FAM228B: variants seen among roughly 807,000 people sequenced by gnomAD.
FAM228B encodes the protein protein FAM228B.
In FAM228B, 38 loss-of-function variants were observed where a neutral mutation model predicts 42.6. That is an observed-to-expected ratio of 0.89 (90% CI 0.69 to 1.17). FAM228B has a LOEUF of 1.17. FAM228B is among the 50% of genes most tolerant of loss of function. The pLI is 0.00. For missense variants in FAM228B, 344 were observed against 367.3 expected, an observed-to-expected ratio of 0.94 and a Z score of 0.52; for synonymous variants, 109 against 122.3, an observed-to-expected ratio of 0.89 and a Z score of 0.72.
upstream of FAM228B, chr2:24,121,071 A>C: frequency 6.7e-7 from 1 of 1,486,992 alleles, no homozygotes; most frequent in Admixed American, 1.9e-5. Context: ...AATGGATTTA[A>C]TCTGTTTTAC....
intron 3 of FAM228B, among the ~76,000 whole-genome samples, chr2:24,104,563 G>A (rs1377499862): frequency 6.6e-6 from 1 of 152,154 alleles, no homozygotes; most frequent in Non-Finnish European, 1.5e-5. Context: ...ACACCTGCTA[G>A]AGCTTCCAGC....
At chr2:24,100,942 G>T (rs998467187) in intron 3 of FAM228B, among the ~76,000 whole-genome samples, 1 of 152,192 alleles carries the variant, frequency 6.6e-6, no homozygotes, top group African/African-American at 2.4e-5. Context: ...CATAAAAAAG[G>T]ATGAGTTCAT....
intron 3 of FAM228B, among the ~76,000 whole-genome samples, chr2:24,099,689 C>G (rs954606494): frequency 2.0e-5 from 3 of 152,168 alleles, no homozygotes; most frequent in African/African-American, 7.2e-5. Flanking sequence ...AATGGCCACA[C>G]TGCCCAAAGT....
At chr2:24,156,771 TCCGCCC>T (rs66924416) in intron 7 of FAM228B, among the ~76,000 whole-genome samples, 83,077 of 132,660 alleles carry the variant, frequency 0.63, 26,871 homozygotes, top group East Asian at 0.76. Context: ...TACATTTCTT[TCCGCCC>T]CCCCCCCCCC....
chr2:24,114,041 G>A (rs1394739960), intron 3 of FAM228B, among the ~76,000 whole-genome samples: 1 of 152,228 alleles, frequency 6.6e-6, no homozygotes, highest in Non-Finnish European at 1.5e-5. Flanking sequence ...GATGTTGGAA[G>A]TAAGTTCTGT....
intron 3 of FAM228B, chr2:24,097,451 C>CAAAAAAAAAAAAAAAAAAA (rs142500481): frequency 1.4e-5 from 1 of 70,378 alleles, no homozygotes; most frequent in African/African-American, 5.7e-5. Context: ...AAATGGAAAG[C>CAAAAAAAAAAAAAAAAAAA]AAAAAAAAAA....
rs931337041 is a variant in FAM228B at position 24,164,212 on chromosome 2, C to A, written c.809C>A (p.Ser270Tyr). The A allele has an allele frequency of 3.2e-6, 5 of 1,550,196 alleles. No individual in the cohort carries two copies. The East Asian group carries it at 9.8e-5, about 30-fold the overall frequency. ...CCTTCCTGCAGAAACAAAGGGTCAT[C>A]CTTTCTAGAAAGAGAACCGCTGTGC... The part of the protein sequence containing the change: ...KTVIYKNKGS[S>Y]FLEREPLCYQ... Residue 270 changes from serine (S) to tyrosine (Y), a missense_variant, in exon 9 of 11, where the codon TCC becomes TAC. Physicochemically the swap from Ser to Tyr is moderately radical, Grantham distance 144. Coordinates refer to ENST00000615575, the MANE Select transcript of FAM228B (RefSeq NM_001145710.2).
intron 8 of FAM228B, among the ~76,000 whole-genome samples, chr2:24,162,585 A>G (rs543734672): frequency 1.0e-3 from 158 of 152,306 alleles, no homozygotes; most frequent in African/African-American, 3.7e-3. Flanking sequence ...TCTACTCAGG[A>G]GTAATGAAAA....
At chr2:24,101,294 T>C (rs892775293) in intron 3 of FAM228B, among the ~76,000 whole-genome samples, 5 of 152,216 alleles carry the variant, frequency 3.3e-5, no homozygotes, top group African/African-American at 1.2e-4. Flanking sequence ...TTATTTTTCT[T>C]CTACTACTCA....
At chr2:24,121,645 C>T (rs763584632), upstream of FAM228B, among the ~76,000 whole-genome samples, 6 of 152,068 alleles carry the variant, frequency 3.9e-5, no homozygotes, top group Admixed American at 2.6e-4. Context: ...TGATTCCCAG[C>T]GTTTTCGGTG....
In FAM228B at chr2:24,124,441, A is replaced by G; in HGVS notation, c.80A>G (p.Lys27Arg). Residue 27 changes from lysine (K) to arginine (R), a missense_variant, in exon 2 of 11, where the codon AAG (lysine) becomes AGG (arginine). Transcript: ENST00000615575. ...AGCTCAAAAGAATGGTTGGAGCCCA[A>G]GCCCCTTTGTTTTATGGAGGTATAT... The part of the protein sequence containing the change: ...LKSSKEWLEP[K>R]PLCFMEVLAK... 6.4e-7 allele frequency: 1 copy of G among 1,550,806 alleles called. No homozygotes were observed. The highest frequency in any genetic ancestry group is 1.4e-5 in the African/African-American group (1 of 73,046).
At chr2:24,149,007 C>T (rs1291330615) in intron 7 of FAM228B, among the ~76,000 whole-genome samples, 1 of 152,236 alleles carries the variant, frequency 6.6e-6, no homozygotes, top group Non-Finnish European at 1.5e-5. Flanking sequence ...GTTTATTTCA[C>T]TTAGCACAAT....
At chr2:24,115,907 CA>C (rs35038662) in intron 3 of FAM228B, among the ~76,000 whole-genome samples, 64,507 of 116,896 alleles carry the variant, frequency 0.55, 15,135 homozygotes, top group East Asian at 0.79. Flanking sequence ...GGTTCCCATG[CA>C]AAAAAAAAAA....
At chr2:24,161,958 G>C (rs6708632) in intron 8 of FAM228B, among the ~76,000 whole-genome samples, 344 of 152,286 alleles carry the variant, frequency 2.3e-3, no homozygotes, top group African/African-American at 7.8e-3. Context: ...AATTAGCCAG[G>C]CGTGGTGGTG....
At chr2:24,121,253 G>T, upstream of FAM228B, 1 of 1,614,160 alleles carries the variant, frequency 6.2e-7, no homozygotes, top group South Asian at 1.1e-5. Context: ...CTTGCAAAGG[G>T]TTCTTGGCAA....
chr2:24,079,609 T>C, intron 1 of FAM228B: 1 of 1,614,160 alleles, frequency 6.2e-7, no homozygotes, highest in Non-Finnish European at 8.5e-7. Context: ...AGGATCCGCC[T>C]ATGCAGTCTA....
At chr2:24,082,797 T>A in intron 2 of FAM228B, 1 of 1,462,024 alleles carries the variant, frequency 6.8e-7, no homozygotes, top group South Asian at 1.4e-5. Flanking sequence ...GGCCTGGGAG[T>A]GCCCTGGGGG....
chr2:24,109,437 T>C (rs1665753659), intron 3 of FAM228B, among the ~76,000 whole-genome samples: 1 of 152,062 alleles, frequency 6.6e-6, no homozygotes, highest in African/African-American at 2.4e-5. Flanking sequence ...AAACAAAAAT[T>C]GACAAATGGC....
rs1321878520 is a variant in FAM228B at position 24,080,676 on chromosome 2, A to G, written c.-289-200A>G. The G allele has an allele frequency of 8.1e-6, 7 of 860,868 alleles. No homozygotes were observed. In the African/African-American group the frequency reaches 1.2e-4, roughly 15 times the overall value. The allele number at this position is 860,868 out of a possible 1,614,324, so 53.3% of individuals were successfully genotyped here. A position where few individuals can be genotyped will look rare whatever the true frequency, so the allele number is the denominator to read the frequency against. On this transcript the variant is annotated intron_variant, in intron 1 of 10. Transcript: ENST00000613899. This position sits in a 1 kb window ranked among gnomAD's most constrained non-coding sequence, Gnocchi z 4.7. ...TGCCTGTCTCCAGTGGTCAAATACCATAGTACTAGAATTTGGCCAGGGCAG... is the reference window on the plus strand; with the variant it reads ...TGCCTGTCTCCAGTGGTCAAATACCGTAGTACTAGAATTTGGCCAGGGCAG...
Sources: allele counts gnomAD v4.1 joint callset (sites outside exome capture counted in the v4.1 genomes callset), GRCh38; gene constraint gnomAD v4.1.1; non-coding constraint Gnocchi (gnomAD v3.1); transcripts MANE v1.5; gene names NCBI Gene and HGNC (gene_info 2026-07-23, HGNC 2026-07-21).